Variants in FAM135B observed in about 807,000 individuals in gnomAD.
FAM135B encodes family with sequence similarity 135 member B.
Under a neutral mutation model 127.7 loss-of-function variants are expected in FAM135B, and 43 were observed. That is an observed-to-expected ratio of 0.34 (90% CI 0.26 to 0.43). The LOEUF (loss-of-function observed/expected upper bound fraction) is 0.43. Among genes scored for constraint, FAM135B ranks in the 20% least tolerant of loss-of-function variants. The pLI is 1.00. For synonymous variants in FAM135B, 670 were observed against 665.1 expected, an observed-to-expected ratio of 1.01 and a Z score of -0.11; for missense variants, 1,558 against 1,725.6, an observed-to-expected ratio of 0.90 and a Z score of 1.72.
chr8:138,406,228 C>T (rs1478523583), intron 1 of FAM135B, among the ~76,000 whole-genome samples: 1 of 151,920 alleles, frequency 6.6e-6, no homozygotes, highest in African/African-American at 2.4e-5. Context: ...AATTAGATCC[C>T]ATTTGTCAAT....
At chr8:138,239,060 T>G (rs542334242) in intron 7 of FAM135B, among the ~76,000 whole-genome samples, 1 of 152,346 alleles carries the variant, frequency 6.6e-6, no homozygotes, top group Non-Finnish European at 1.5e-5. Context: ...TACTGTATCA[T>G]GGGCCTAAGT....
intron 1 of FAM135B, among the ~76,000 whole-genome samples, chr8:138,482,878 G>GA (rs1485112656): frequency 1.3e-5 from 2 of 151,776 alleles, no homozygotes; most frequent in Admixed American, 6.6e-5. Flanking sequence ...CACATTTTTA[G>GA]AAAAAAATGT....
rs187629601 is a variant in FAM135B at position 138,492,850 on chromosome 8, G to A, written c.-20+3821C>T. On this transcript the variant is annotated intron_variant, in intron 1 of 19. Coordinates refer to ENST00000395297, the MANE Select transcript of FAM135B (RefSeq NM_015912.4). The stretch of plus-strand genomic sequence containing the variant: ...CTCCTCTTTGTTCCCGCAGACCCCC[G>A]GCATTGCCTGGTTTGTTCTTGCCGA... Among the ~76,000 whole-genome samples, 10 of 152,248 alleles carry A rather than the reference G, an allele frequency of 6.6e-5. No individual in the cohort carries two copies. In the East Asian group the frequency reaches 1.5e-3, roughly 24 times the overall value.
chr8:138,189,590 C>T (rs368637815), intron 9 of FAM135B, among the ~76,000 whole-genome samples: 1 of 152,210 alleles, frequency 6.6e-6, no homozygotes, highest in African/African-American at 2.4e-5. Flanking sequence ...GGGTACTCCC[C>T]TCTAGATGCT....
chr8:138,143,317 G>A (rs1305612188), intron 15 of FAM135B, among the ~76,000 whole-genome samples: 4 of 152,144 alleles, frequency 2.6e-5, no homozygotes, highest in Non-Finnish European at 4.4e-5. Flanking sequence ...GCTCAGGAAC[G>A]CTCAGCTGGG....
chr8:138,457,974 CAA>C lies in FAM135B; in HGVS notation c.-20+38695_-20+38696del, dbSNP rs530760937. Among the ~76,000 whole-genome samples, 613 of 76,940 alleles carry C rather than the reference CAA, an allele frequency of 8.0e-3. 1 individual carries two copies. Among genetic ancestry groups the C allele is most frequent in the African/African-American group, 0.022 (575 of 26,670 alleles). 50.5% of individuals were successfully genotyped at this position (76,940 alleles called of 152,430 possible). On this transcript the variant is annotated intron_variant, in intron 1 of 19. Coordinates refer to ENST00000395297, the MANE Select transcript of FAM135B (RefSeq NM_015912.4). ...CCTGGGCAAGAGCGAGACTCCATCT[CAA>C]AAAAAAAAAAAAAAAGAGAGAGAAA...
intron 7 of FAM135B, among the ~76,000 whole-genome samples, chr8:138,206,368 C>G (rs74709289): frequency 1.1e-4 from 15 of 137,166 alleles, no homozygotes; most frequent in Admixed American, 2.1e-4. Context: ...CCTCCACCTA[C>G]CCACAACTCT....
At chr8:138,238,917 A>C (rs993717205) in intron 7 of FAM135B, among the ~76,000 whole-genome samples, 1 of 152,222 alleles carries the variant, frequency 6.6e-6, no homozygotes, top group South Asian at 2.1e-4. Flanking sequence ...CATTGAGCTA[A>C]ACTCCATGAG....
intron 2 of FAM135B, among the ~76,000 whole-genome samples, chr8:138,355,506 A>G (rs542674545): frequency 1.3e-5 from 2 of 152,312 alleles, no homozygotes; most frequent in African/African-American, 4.8e-5. Context: ...GGAAGGAGAA[A>G]AAGGGGACCA....
At chr8:138,366,142 T>C (rs1259722817) in intron 2 of FAM135B, among the ~76,000 whole-genome samples, 5 of 152,206 alleles carry the variant, frequency 3.3e-5, no homozygotes, top group African/African-American at 1.2e-4. Context: ...CACTCTGCTA[T>C]GTTAGAGCTA....
At chr8:138,143,779 A>G (rs1817420888) in intron 15 of FAM135B, among the ~76,000 whole-genome samples, 1 of 152,256 alleles carries the variant, frequency 6.6e-6, no homozygotes, top group African/African-American at 2.4e-5. Flanking sequence ...AAAATGTTTG[A>G]AAAGTTCCTC....
At chr8:138,455,917 C>T (rs1180771976) in intron 1 of FAM135B, among the ~76,000 whole-genome samples, 1 of 152,224 alleles carries the variant, frequency 6.6e-6, no homozygotes, top group Non-Finnish European at 1.5e-5. Flanking sequence ...ATCAGATCTA[C>T]ACCCTCCATA....
intron 3 of FAM135B, among the ~76,000 whole-genome samples, chr8:138,299,414 C>A (rs1350923420): frequency 6.6e-6 from 1 of 152,128 alleles, no homozygotes; most frequent in Non-Finnish European, 1.5e-5. Flanking sequence ...CAACAATGAG[C>A]CCAGCAGAGG....
At chr8:138,248,157 G>A (rs571477797) in intron 6 of FAM135B, among the ~76,000 whole-genome samples, 31 of 152,258 alleles carry the variant, frequency 2.0e-4, no homozygotes, top group African/African-American at 7.0e-4. Context: ...GGTATGTACC[G>A]AAACTGAAAC....
chr8:138,209,456 A>G (rs1817966783), intron 7 of FAM135B, among the ~76,000 whole-genome samples: 1 of 152,202 alleles, frequency 6.6e-6, no homozygotes. Flanking sequence ...ACAAGGGCAT[A>G]GAGTGAGTAA....
At chr8:138,353,869 C>T (rs572690609) in intron 2 of FAM135B, among the ~76,000 whole-genome samples, 48 of 152,226 alleles carry the variant, frequency 3.2e-4, no homozygotes, top group African/African-American at 1.1e-3. Flanking sequence ...AGATTCTCAC[C>T]TGGCCTCTGC....
chr8:138,456,068 G>T (rs896778607), intron 1 of FAM135B, among the ~76,000 whole-genome samples: 3 of 152,180 alleles, frequency 2.0e-5, no homozygotes, highest in Admixed American at 6.5e-5. Context: ...CATAGTAGGT[G>T]GTCAGTAAAT....
intron 1 of FAM135B, among the ~76,000 whole-genome samples, chr8:138,397,561 A>T (rs1013765057): frequency 6.6e-6 from 1 of 152,206 alleles, no homozygotes; most frequent in Non-Finnish European, 1.5e-5. Flanking sequence ...TGTTATGCAC[A>T]CATCCCATAA....
intron 4 of FAM135B, 115 bp downstream of exon 4, chr8:138,265,588 T>C: frequency 3.4e-6 from 4 of 1,179,964 alleles, no homozygotes; most frequent in Admixed American, 4.4e-5. Flanking sequence ...CACTAATCTC[T>C]GTCAGATTTC....
Sources: allele counts gnomAD v4.1 joint callset (sites outside exome capture counted in the v4.1 genomes callset), GRCh38; gene constraint gnomAD v4.1.1; transcripts MANE v1.5; gene names NCBI Gene and HGNC (gene_info 2026-07-23, HGNC 2026-07-21).